The following PLEKHG7 variants were observed in gnomAD, a reference collection of about 807,000 sequenced individuals.
The protein encoded by PLEKHG7 is pleckstrin homology and RhoGEF domain containing G7, also known as pleckstrin homology domain-containing family G member 7.
PLEKHG7 carries 77 observed loss-of-function variants against 85.2 expected under a neutral mutation model. That is an observed-to-expected ratio of 0.90 (90% CI 0.75 to 1.09). PLEKHG7 has a LOEUF of 1.09. PLEKHG7 is among the 50% of genes least tolerant of loss of function. The pLI, the probability that PLEKHG7 is intolerant of heterozygous loss-of-function variation, is 0.00. For synonymous variants in PLEKHG7, 301 were observed against 302.4 expected (o/e 1.00, Z 0.05); for missense variants, 777 against 804.3 (o/e 0.97, Z 0.41).
At chr12:92,736,033 C>T (rs1374414044) in intron 5 of PLEKHG7, among the ~76,000 whole-genome samples, 2 of 152,088 alleles carry the variant, frequency 1.3e-5, no homozygotes, top group Admixed American at 6.5e-5. Flanking sequence ...TGGGGCAACT[C>T]GCTTGAACAC....
At chr12:92,769,213 A>G in intron 16 of PLEKHG7, 133 bp downstream of exon 16, 1 of 631,862 alleles carries the variant, frequency 1.6e-6, no homozygotes, top group Non-Finnish European at 2.7e-6. Flanking sequence ...ATTTGGGAGG[A>G]GGGGAGGGGT....
chr12:92,757,816 G>C (rs1872876232), intron 13 of PLEKHG7, among the ~76,000 whole-genome samples: 2 of 152,194 alleles, frequency 1.3e-5, no homozygotes, highest in Non-Finnish European at 2.9e-5. Context: ...GGAAACTGCA[G>C]GCAACCAGAA....
At chr12:92,761,641 A>AG (rs1491414777) in intron 13 of PLEKHG7, 111 bp from the exon 14 acceptor site, 97 of 759,042 alleles carry the variant, frequency 1.3e-4, no homozygotes, top group Non-Finnish European at 1.6e-4. Context: ...AAAGAAAGAA[A>AG]GAAAGAAAGA....
chr12:92,750,754 T>G (rs192572584), intron 10 of PLEKHG7, among the ~76,000 whole-genome samples: 1 of 152,122 alleles, frequency 6.6e-6, no homozygotes, highest in African/African-American at 2.4e-5. Context: ...CCCAGCCTTA[T>G]CTTCATCTGT....
intron 15 of PLEKHG7, among the ~76,000 whole-genome samples, chr12:92,764,926 G>C (rs907988532): frequency 6.6e-6 from 1 of 152,034 alleles, no homozygotes; most frequent in Non-Finnish European, 1.5e-5. Context: ...TCAGGAGGAC[G>C]CAGACACCAC....
In PLEKHG7 at chr12:92,771,849, A is replaced by G. The variant is rs1873442730; in HGVS notation, c.*1654A>G. The G allele has an allele frequency of 6.6e-6, 1 of 152,072 alleles. No homozygotes were observed. Among genetic ancestry groups the G allele is most frequent in the Non-Finnish European group, 1.5e-5 (1 of 67,942 alleles). The allele number at this position is 152,072 out of a possible 1,614,324, so 9.4% of individuals were successfully genotyped here. ...GTATAAAGGTAGTTTTCTCCCTCTG[A>G]ATCTCATTAAAGGGAGAGACAGACT... On this transcript the variant is annotated 3_prime_UTR_variant, in exon 17 of 17. Transcript: ENST00000344636.
intron 6 of PLEKHG7, 147 bp downstream of exon 6, chr12:92,736,724 G>A: frequency 2.3e-6 from 1 of 433,568 alleles, no homozygotes; most frequent in Non-Finnish European, 3.9e-6. Context: ...CCAGGACTGA[G>A]CAGGGCCTGC....
chr12:92,732,473 C>G (rs1252237997), intron 5 of PLEKHG7, among the ~76,000 whole-genome samples, 200 bp downstream of exon 5: 1 of 152,162 alleles, frequency 6.6e-6, no homozygotes, highest in African/African-American at 2.4e-5. Context: ...CGAAACAGTG[C>G]TAATTGCCAG....
chr12:92,741,522 G>A lies in PLEKHG7; in HGVS notation c.1067G>A (p.Gly356Asp), dbSNP rs1421103634. 3.7e-6 allele frequency: 6 copies of A among 1,612,350 alleles called. No individual in the cohort carries two copies. In the South Asian group the frequency reaches 5.5e-5, roughly 15 times the overall value. Residue 356 changes from glycine (G) to aspartate (D), a missense_variant, in exon 9 of 17, where the codon GGC (glycine) becomes GAC (aspartate). By Grantham distance (94) the Gly-to-Asp change is moderately conservative. Coordinates refer to ENST00000344636, the MANE Select transcript of PLEKHG7 (RefSeq NM_001377329.1). The stretch of plus-strand genomic sequence containing the variant: ...CTTGGTTTTGTGAACAGTCTCTTTG[G>A]CATCATCAAGGACTATGTAGACGCT... ...TSLGFVNSLF[G>D]IIKDYVDASE...
Position 92,755,914 on chromosome 12 carries a change from A to G in PLEKHG7, c.1516A>G (p.Arg506Gly). Residue 506 changes from arginine to glycine, a missense_variant, in exon 12 of 17, where the codon AGA (arginine) becomes GGA (glycine). Coordinates refer to ENST00000344636, the MANE Select transcript of PLEKHG7 (RefSeq NM_001377329.1). ...EIIVWPPLWDRDKRFFIPECL... is the reference protein window; with the variant it reads ...EIIVWPPLWDGDKRFFIPECL... Reference sequence around the variant, plus strand: ...TATAGTGTGGCCACCGCTTTGGGATAGAGATAAAAGGTTTTTCATTCCAGA... The same window carrying G: ...TATAGTGTGGCCACCGCTTTGGGATGGAGATAAAAGGTTTTTCATTCCAGA... 6.2e-7 allele frequency: 1 copy of G among 1,611,952 alleles called. No individual in the cohort carries two copies. The highest frequency in any genetic ancestry group is 8.5e-7 in the Non-Finnish European group (1 of 1,179,158).
At chr12:92,711,510 G>T (rs1282494919) in intron 3 of PLEKHG7, among the ~76,000 whole-genome samples, 3 of 152,158 alleles carry the variant, frequency 2.0e-5, no homozygotes, top group Admixed American at 6.5e-5. Context: ...GGCTAGATGG[G>T]TCAGAAAGCA....
rs183128958 is a variant in PLEKHG7, at chr12:92,712,399, C to T, written c.530+4727C>T. 1.8e-3 allele frequency among the ~76,000 whole-genome samples: 267 copies of T among 152,320 alleles called. 8 individuals carry two copies. The highest frequency in any genetic ancestry group is 0.016 in the Admixed American group (251 of 15,292). ...ATTCGCCAAGTCACTGGCTGCATAC[C>T]GGTACCAGGAGATGTGTTCATTGGC... On this transcript the variant is annotated intron_variant, in intron 3 of 16. Coordinates refer to ENST00000344636, the MANE Select transcript of PLEKHG7 (RefSeq NM_001377329.1).
chr12:92,730,083 T>C (rs934687683), intron 4 of PLEKHG7, among the ~76,000 whole-genome samples: 8 of 152,164 alleles, frequency 5.3e-5, no homozygotes, highest in African/African-American at 1.9e-4. Flanking sequence ...CTGTCATCTA[T>C]TGTATGGGCA....
At position 92,732,243 on chromosome 12, in the gene PLEKHG7, G is replaced by T; in HGVS notation, c.669G>T (p.Lys223Asn). The change falls in exon 5 of 17, where the codon AAG becomes AAT. Residue 223 changes from lysine (K) to asparagine (N), a missense_variant. Transcript: ENST00000344636. ...PLLLLNSESK[K>N]PRWPFSKRGV... ...TTTAATTTCACCCAGAATCCAAAAA[G>T]CCAAGATGGCCTTTCTCCAAAAGAG... 8.1e-7 allele frequency: 1 copy of T among 1,231,344 alleles called. No homozygotes were observed. Among genetic ancestry groups the T allele is most frequent in the Admixed American group, 4.2e-5 (1 of 23,698 alleles). 76.3% of individuals were successfully genotyped at this position (1,231,344 alleles called of 1,614,324 possible).
chr12:92,725,782 T>A (rs1042514020), intron 3 of PLEKHG7, among the ~76,000 whole-genome samples: 2 of 152,036 alleles, frequency 1.3e-5, no homozygotes, highest in Non-Finnish European at 2.9e-5. Flanking sequence ...TTGAAAAAAA[T>A]TTTGGCAAAG....
At chr12:92,720,373 T>C (rs1871604286) in intron 3 of PLEKHG7, among the ~76,000 whole-genome samples, 1 of 152,022 alleles carries the variant, frequency 6.6e-6, no homozygotes, top group Non-Finnish European at 1.5e-5. Context: ...TCACCCAGGC[T>C]GGAGTGTAGT....
chr12:92,761,623 G>GAAGAAGA, intron 13 of PLEKHG7, 129 bp from the exon 14 acceptor site: 1 of 710,442 alleles, frequency 1.4e-6, no homozygotes, highest in East Asian at 5.1e-5. Flanking sequence ...AAGAAAGAAA[G>GAAGAAGA]AAGAAAGAAA....
intron 13 of PLEKHG7, among the ~76,000 whole-genome samples, chr12:92,758,978 G>A (rs1872912093): frequency 6.6e-6 from 1 of 152,190 alleles, no homozygotes; most frequent in African/African-American, 2.4e-5. Context: ...TGTAGGCTTT[G>A]GGAAAATTTA....
intron 2 of PLEKHG7, 119 bp from the exon 3 acceptor site, chr12:92,707,530 CA>C: frequency 2.0e-6 from 3 of 1,492,028 alleles, no homozygotes; most frequent in East Asian, 4.9e-5. Flanking sequence ...CCAATCCCAC[CA>C]AAATGTAAAA....
Sources: allele counts gnomAD v4.1 joint callset (sites outside exome capture counted in the v4.1 genomes callset), GRCh38; gene constraint gnomAD v4.1.1; transcripts MANE v1.5; gene names NCBI Gene and HGNC (gene_info 2026-07-23, HGNC 2026-07-21).